Variants in FRMD1 observed in about 807,000 individuals in gnomAD.
FRMD1 encodes FERM domain-containing protein 1.
Under a neutral mutation model 54.9 loss-of-function variants are expected in FRMD1, and 51 were observed. The observed-to-expected ratio is 0.93, with a 90% CI of 0.74 to 1.17. The LOEUF (loss-of-function observed/expected upper bound fraction) is 1.17, where lower values mean the gene tolerates loss of function less well. Ranked by LOEUF, FRMD1 falls within the 50% of genes most tolerant of loss-of-function variation. The probability of loss-of-function intolerance (pLI) is 0.00; values close to 1 mark genes in which losing one functional copy is unlikely to be tolerated. For missense variants in FRMD1, 729 were observed against 743.0 expected (o/e 0.98, Z 0.22); for synonymous variants, 324 against 306.4 (o/e 1.06, Z -0.60).
chr6:168,059,490 T>C lies in FRMD1; in HGVS notation c.1343-302A>G, dbSNP rs1035158222. Among the ~76,000 whole-genome samples the C allele has an allele frequency of 6.0e-4, 91 of 152,112 alleles. No individual in the cohort carries two copies. Among genetic ancestry groups the C allele is most frequent in the Non-Finnish European group, 1.5e-4 (10 of 68,008 alleles). ...CATCCCTTCCTGGTGGACCAGACAC[T>C]CCAAGGGCAATGGCGGACACAGTGG... On this transcript the variant is annotated intron_variant, in intron 9 of 10. Transcript: ENST00000283309. This position sits in a 1 kb window ranked among gnomAD's most constrained non-coding sequence, Gnocchi z 4.4.
intron 1 of FRMD1, among the ~76,000 whole-genome samples, chr6:168,092,724 C>A (rs1483536259): frequency 1.3e-5 from 2 of 152,230 alleles, no homozygotes; most frequent in African/African-American, 4.8e-5. Flanking sequence ...GTTGTTTAAG[C>A]TCCTGGTCTG....
chr6:168,067,340 C>T lies in FRMD1; in HGVS notation c.384+27G>A, dbSNP rs762210225. On this transcript the variant is annotated intron_variant, in intron 3 of 10. Transcript: ENST00000283309. ...AGCACAGCCCACCGCGGTGCCTGCC[C>T]TCTCCCACCCGACACTCTACACTTA... is the stretch of plus-strand genomic sequence containing the variant. The T allele has an allele frequency of 6.7e-6, 10 of 1,484,918 alleles. No individual in the cohort carries two copies. In the African/African-American group the frequency reaches 8.3e-5, roughly 12 times the overall value. The allele number at this position is 1,484,918 out of a possible 1,614,324, so 92.0% of individuals were successfully genotyped here. A position where few individuals can be genotyped will look rare whatever the true frequency, so the allele number is the denominator to read the frequency against.
At chr6:168,066,008 G>C (rs1415325038) in intron 4 of FRMD1, 6 of 1,000,080 alleles carry the variant, frequency 6.0e-6, no homozygotes, top group Non-Finnish European at 6.0e-6. Context: ...TTGGTTTAGA[G>C]TGCAGCCCAC....
intron 2 of FRMD1, among the ~76,000 whole-genome samples, chr6:168,073,938 G>A (rs1381254482): frequency 6.6e-6 from 1 of 152,032 alleles, no homozygotes; most frequent in South Asian, 2.1e-4. Flanking sequence ...AAGACAGGGG[G>A]ATATTCAGCC....
rs1157153881 is a variant in FRMD1, at chr6:168,061,994, G to T, written c.871-13C>A. The stretch of plus-strand genomic sequence containing the variant: ...CCAGCTTCTTTCCCTGAGCAAACAG[G>T]AGAGAAGTTGCCACTCCACAGGTGG... On this transcript the variant is annotated splice_polypyrimidine_tract_variant and intron_variant, in intron 7 of 10. Coordinates refer to ENST00000283309, the MANE Select transcript of FRMD1 (RefSeq NM_024919.6). The T allele has an allele frequency of 6.3e-7, 1 of 1,581,584 alleles. No individual in the cohort carries two copies. Among genetic ancestry groups the T allele is most frequent in the Admixed American group, 1.7e-5 (1 of 57,310 alleles).
chr6:168,071,521 GTCC>G (rs995878778), intron 2 of FRMD1, among the ~76,000 whole-genome samples: 6 of 152,172 alleles, frequency 3.9e-5, no homozygotes, highest in Admixed American at 6.5e-5. Context: ...TTCTGAGTCT[GTCC>G]TCCTCCTGCA....
At position 168,066,792 on chromosome 6, in the gene FRMD1, G is replaced by A. The variant is rs141108258; in HGVS notation, c.424C>T (p.Arg142Ter). 158 of 1,613,924 alleles carry A rather than the reference G, an allele frequency of 9.8e-5. No individual in the cohort carries two copies. The highest frequency in any genetic ancestry group is 2.2e-4 in the South Asian group (20 of 91,070). Residue 142 changes from arginine to a stop codon, truncating the protein, a stop_gained, in exon 4 of 11, where the codon CGA becomes TGA. Transcript: ENST00000283309. LOFTEE classifies it high-confidence loss of function. ...KPRAPFVAFL[R>*]VQHYVENGRV... ...CCGTTTTCCACGTAGTGCTGCACTCGGAGGAAGGCCACGAAGGGGGCTCTG... is the reference window on the plus strand; with the variant it reads ...CCGTTTTCCACGTAGTGCTGCACTCAGAGGAAGGCCACGAAGGGGGCTCTG...
In FRMD1 at chr6:168,056,898, G is replaced by GAGGTGC. The variant is rs1799430872; in HGVS notation, c.*193_*198dup. 1 of 510,872 alleles carries GAGGTGC rather than the reference G, an allele frequency of 2.0e-6. No individual in the cohort carries two copies. Among genetic ancestry groups the GAGGTGC allele is most frequent in the Admixed American group, 3.9e-5 (1 of 25,750 alleles). The allele number at this position is 510,872 out of a possible 1,614,324, so 31.6% of individuals were successfully genotyped here. On this transcript the variant is annotated 3_prime_UTR_variant, in exon 11 of 11. Coordinates refer to ENST00000283309, the MANE Select transcript of FRMD1 (RefSeq NM_024919.6). The stretch of plus-strand genomic sequence containing the variant: ...TCCCGGGTGTATGGCAGACAGGCAT[G>GAGGTGC]AGGTGCGGGACCTGTTTGTTACCTC...
rs142139203 is a variant in FRMD1, at chr6:168,086,754, GA to G, written c.-11-7731del. ...GCATCCCCATACTGCTGTCCTTGTG[GA>G]ACAAGCTGGGCTTCTCCCTGTCTCC... On this transcript the variant is annotated intron_variant, in intron 1 of 12. Transcript: ENST00000644440. Among the ~76,000 whole-genome samples, 962 of 152,302 alleles carry G rather than the reference GA, an allele frequency of 6.3e-3. 12 individuals are homozygous for G. The highest frequency in any genetic ancestry group is 0.022 in the African/African-American group (905 of 41,558).
intron 6 of FRMD1, among the ~76,000 whole-genome samples, chr6:168,063,263 C>T (rs747394708): frequency 1.7e-4 from 26 of 151,852 alleles, no homozygotes; most frequent in Non-Finnish European, 3.7e-4. Context: ...GCCCTGGGGT[C>T]CTGGTCCCAT....
intron 1 of FRMD1, among the ~76,000 whole-genome samples, chr6:168,078,036 T>C (rs2115017745): frequency 6.6e-6 from 1 of 152,270 alleles, no homozygotes; most frequent in Admixed American, 6.5e-5. Flanking sequence ...TGAACCAGGA[T>C]ATTACTAGCA....
At chr6:168,069,197 C>A (rs890207580) in intron 2 of FRMD1, among the ~76,000 whole-genome samples, 3 of 152,196 alleles carry the variant, frequency 2.0e-5, no homozygotes, top group Admixed American at 2.0e-4. Context: ...GAGTCCCCAC[C>A]CCACCCCATA....
At chr6:168,075,110 G>T in intron 2 of FRMD1, 135 bp downstream of exon 2, 1 of 720,808 alleles carries the variant, frequency 1.4e-6, no homozygotes. Flanking sequence ...CATTGTGCAT[G>T]GTGTGTGCAT....
chr6:168,062,812 A>G (rs998066042), intron 7 of FRMD1, 82 bp downstream of exon 7: 6 of 1,601,446 alleles, frequency 3.7e-6, no homozygotes, highest in Non-Finnish European at 5.1e-6. Flanking sequence ...GGGATGCTAC[A>G]CAGCCCAGAC....
chr6:168,087,425 G>C (rs1800939852), intron 1 of FRMD1, among the ~76,000 whole-genome samples: 1 of 152,364 alleles, frequency 6.6e-6, no homozygotes, highest in South Asian at 2.1e-4. Context: ...TCCTCCTACA[G>C]AGTGGGGTAC....
intron 7 of FRMD1, 56 bp downstream of exon 7, chr6:168,062,838 A>G: frequency 6.2e-7 from 1 of 1,601,498 alleles, no homozygotes; most frequent in Non-Finnish European, 8.6e-7. Context: ...TGGGGAAGGG[A>G]GGAGGGGGTG....
upstream of FRMD1, among the ~76,000 whole-genome samples, chr6:168,085,540 G>T (rs4708640): frequency 1.3e-5 from 2 of 152,140 alleles, no homozygotes; most frequent in South Asian, 4.1e-4. Context: ...TCCCCAGGAC[G>T]GGCCACTGGG....
chr6:168,081,171 G>A (rs776044324), upstream of FRMD1, among the ~76,000 whole-genome samples: 4 of 152,158 alleles, frequency 2.6e-5, no homozygotes, highest in Non-Finnish European at 5.9e-5. Context: ...TCCTGGGAGA[G>A]CGCGGCTTTT....
intron 4 of FRMD1, chr6:168,066,203 G>A (rs976635766): frequency 3.3e-5 from 33 of 987,564 alleles, no homozygotes; most frequent in Non-Finnish European, 4.0e-5. Flanking sequence ...GGCATTTGAG[G>A]AAGTACCACT....
Sources: gnomAD v4.1 joint callset for allele counts (sites outside exome capture counted in the v4.1 genomes callset) on GRCh38, gnomAD v4.1.1 for gene constraint, Gnocchi (gnomAD v3.1) non-coding constraint, MANE v1.5 for transcripts, NCBI Gene and HGNC (gene_info 2026-07-23, HGNC 2026-07-21) for gene names.